NRXN3: variants seen among roughly 807,000 people sequenced by gnomAD.
The protein encoded by NRXN3 is neurexin III.
A neutral mutation model predicts 137.6 loss-of-function variants in NRXN3; 32 were observed. That is an observed-to-expected ratio of 0.23 (90% CI 0.18 to 0.31). NRXN3 has a LOEUF of 0.31. NRXN3 is among the 10% of genes least tolerant of loss of function. NRXN3 has a pLI of 1.00. For synonymous variants in NRXN3, 798 were observed against 784.5 expected (o/e 1.02, Z -0.29); for missense variants, 1,574 against 2,062.5 (o/e 0.76, Z 4.59).
intron 15 of NRXN3, among the ~76,000 whole-genome samples, chr14:79,338,032 C>T (rs1411120242): frequency 6.6e-6 from 1 of 152,072 alleles, no homozygotes; most frequent in Admixed American, 6.5e-5. Flanking sequence ...CAGAAGATTA[C>T]TTCCTTGGTT....
chr14:78,707,959 G>A (rs1479424552), intron 6 of NRXN3, among the ~76,000 whole-genome samples: 4 of 152,078 alleles, frequency 2.6e-5, no homozygotes, highest in South Asian at 4.2e-4. Flanking sequence ...ATTGATGAAC[G>A]TTTGGGTTGG....
chr14:79,507,055 A>G (rs1340527292), intron 16 of NRXN3, among the ~76,000 whole-genome samples: 4 of 152,238 alleles, frequency 2.6e-5, no homozygotes, highest in Non-Finnish European at 5.9e-5. Flanking sequence ...TAACAGCTCT[A>G]ATAGACAGAG....
chr14:78,183,645 C>T (rs754554302), intron 1 of NRXN3, among the ~76,000 whole-genome samples: 62 of 152,292 alleles, frequency 4.1e-4, no homozygotes, highest in Non-Finnish European at 7.9e-4. Context: ...ACAAGTGCCC[C>T]GTGAGATAGA....
rs1045107938 is a variant in NRXN3, at chr14:79,861,980, TCA to T, written c.*20_*21del. ...TTACGTGTAAACATGCGAACACTGC[TCA>T]CACGCGAGTTTTCACAGTTATTTCT... On this transcript the variant is annotated 3_prime_UTR_variant, in exon 21 of 21. Transcript: ENST00000335750. This position sits in a 1 kb window ranked among gnomAD's most constrained non-coding sequence, Gnocchi z 5.4. The T allele has an allele frequency of 1.1e-5, 18 of 1,583,438 alleles. No homozygotes were observed. Among genetic ancestry groups the T allele is most frequent in the Non-Finnish European group, 1.4e-5 (16 of 1,160,564 alleles).
At chr14:79,661,510 G>T (rs1439766230) in intron 16 of NRXN3, among the ~76,000 whole-genome samples, 1 of 152,052 alleles carries the variant, frequency 6.6e-6, no homozygotes, top group Non-Finnish European at 1.5e-5. Context: ...CCTTCATTTT[G>T]GGAAAAGAAG....
intron 15 of NRXN3, among the ~76,000 whole-genome samples, chr14:79,317,496 A>T (rs191657999): frequency 3.9e-5 from 6 of 152,110 alleles, no homozygotes; most frequent in Admixed American, 1.3e-4. Flanking sequence ...TCCTACTCCA[A>T]TATGACCTTA....
intron 15 of NRXN3, among the ~76,000 whole-genome samples, chr14:79,027,651 A>G (rs558233138): frequency 6.6e-6 from 1 of 152,280 alleles, no homozygotes; most frequent in South Asian, 2.1e-4. Context: ...CTTAAGGGCC[A>G]AGCCACCAGA....
intron 10 of NRXN3, among the ~76,000 whole-genome samples, chr14:78,935,583 T>G (rs1295649410): frequency 6.6e-6 from 1 of 152,172 alleles, no homozygotes; most frequent in Non-Finnish European, 1.5e-5. Flanking sequence ...TCGAGAATAT[T>G]GACAAGGAAA....
intron 4 of NRXN3, among the ~76,000 whole-genome samples, chr14:78,375,081 A>T (rs2087568376): frequency 6.6e-6 from 1 of 152,240 alleles, no homozygotes; most frequent in Non-Finnish European, 1.5e-5. Context: ...AGTAAAAATC[A>T]GTTAGTTCAT....
intron 2 of NRXN3, among the ~76,000 whole-genome samples, chr14:78,278,240 G>C (rs1206202133): frequency 6.6e-6 from 1 of 152,176 alleles, no homozygotes. Flanking sequence ...TTCATGTCCA[G>C]TGTTTGGTAT....
chr14:78,449,512 C>T (rs1000333040), intron 4 of NRXN3, among the ~76,000 whole-genome samples: 4 of 152,260 alleles, frequency 2.6e-5, no homozygotes, highest in African/African-American at 9.6e-5. Context: ...CCGCACCCAG[C>T]CTGTTATCAC....
intron 6 of NRXN3, among the ~76,000 whole-genome samples, chr14:78,699,509 A>G (rs1335944642): frequency 6.6e-6 from 1 of 152,202 alleles, no homozygotes; most frequent in African/African-American, 2.4e-5. Flanking sequence ...TAGTGAGACG[A>G]TTAGAGTCAT....
intron 15 of NRXN3, among the ~76,000 whole-genome samples, chr14:79,366,333 T>C (rs559752570): frequency 6.6e-6 from 1 of 152,318 alleles, no homozygotes; most frequent in African/African-American, 2.4e-5. Flanking sequence ...ATTCCACTTT[T>C]TTAATTTTTA....
chr14:78,363,996 A>G (rs117974051), intron 4 of NRXN3, among the ~76,000 whole-genome samples: 4 of 152,320 alleles, frequency 2.6e-5, no homozygotes, highest in Non-Finnish European at 4.4e-5. Context: ...CTGAAATACA[A>G]GGACTATGTT....
At chr14:78,233,266 A>G (rs1325883933) in intron 1 of NRXN3, among the ~76,000 whole-genome samples, 2 of 152,176 alleles carry the variant, frequency 1.3e-5, no homozygotes, top group African/African-American at 4.8e-5. Flanking sequence ...AGGTATCCAT[A>G]TGGTTGCTTG....
chr14:79,007,268 C>T (rs1253262072), intron 15 of NRXN3, among the ~76,000 whole-genome samples: 2 of 152,088 alleles, frequency 1.3e-5, no homozygotes, highest in Non-Finnish European at 2.9e-5. Context: ...TATTCTAACC[C>T]TTTTGTTCAT....
chr14:78,809,696 T>C (rs1004184668), intron 9 of NRXN3, among the ~76,000 whole-genome samples: 3 of 152,136 alleles, frequency 2.0e-5, no homozygotes, highest in African/African-American at 7.2e-5. Flanking sequence ...CAAATTTCTA[T>C]AGCATTTGGG....
chr14:79,365,117 G>A (rs1041243498), intron 15 of NRXN3, among the ~76,000 whole-genome samples: 2 of 152,074 alleles, frequency 1.3e-5, no homozygotes, highest in Non-Finnish European at 2.9e-5. Context: ...TCACATTTCG[G>A]GTGGTGGTGT....
chr14:78,510,645 C>T (rs1269846404), intron 4 of NRXN3, among the ~76,000 whole-genome samples: 1 of 152,156 alleles, frequency 6.6e-6, no homozygotes, highest in African/African-American at 2.4e-5. Context: ...GAGCCAAGCC[C>T]TGTTCTTTAT....
Sources: gnomAD v4.1 joint callset for allele counts (sites outside exome capture counted in the v4.1 genomes callset) on GRCh38, gnomAD v4.1.1 for gene constraint, Gnocchi (gnomAD v3.1) non-coding constraint, MANE v1.5 for transcripts, NCBI Gene and HGNC (gene_info 2026-07-23, HGNC 2026-07-21) for gene names.